The following PCDH9 variants were observed in gnomAD, a reference collection of about 807,000 sequenced individuals.
PCDH9 encodes protocadherin-9.
In PCDH9, 24 loss-of-function variants were observed where a neutral mutation model predicts 70.6. The ratio of observed to expected loss-of-function variants is 0.34; its 90% CI spans 0.25 to 0.48. The LOEUF (loss-of-function observed/expected upper bound fraction) is 0.48, where lower values mean the gene tolerates loss of function less well. Among genes scored for constraint, PCDH9 ranks in the 20% least tolerant of loss-of-function variants. The probability of loss-of-function intolerance (pLI) is 0.99; values close to 1 mark genes in which losing one functional copy is unlikely to be tolerated. For missense variants in PCDH9, 1,281 were observed against 1,503.6 expected (o/e 0.85, Z 2.45); for synonymous variants, 562 against 558.5 (o/e 1.01, Z -0.09).
chr13:66,387,231 G>A (rs1350950869), intron 4 of PCDH9, among the ~76,000 whole-genome samples: 1 of 152,146 alleles, frequency 6.6e-6, no homozygotes, highest in Non-Finnish European at 1.5e-5. Context: ...GTAAGCAACA[G>A]TGTCCACCTT....
At chr13:66,714,334 G>A (rs1343519792) in intron 3 of PCDH9, among the ~76,000 whole-genome samples, 2 of 151,674 alleles carry the variant, frequency 1.3e-5, no homozygotes, top group East Asian at 3.9e-4. Context: ...GCGTGGTGGC[G>A]GGTGCCTGTA....
chr13:67,026,319 G>T (rs1366749775), intron 2 of PCDH9, among the ~76,000 whole-genome samples: 8 of 151,990 alleles, frequency 5.3e-5, no homozygotes, highest in African/African-American at 1.2e-4. Context: ...TTTTGGTTGT[G>T]TCTCTGCCCG....
chr13:67,188,236 C>T (rs944361280), intron 2 of PCDH9, among the ~76,000 whole-genome samples: 1 of 152,096 alleles, frequency 6.6e-6, no homozygotes, highest in African/African-American at 2.4e-5. Flanking sequence ...AGTCGCTTAC[C>T]TTGCTATGTC....
At chr13:66,615,002 G>C (rs1035013877) in intron 4 of PCDH9, among the ~76,000 whole-genome samples, 1 of 152,122 alleles carries the variant, frequency 6.6e-6, no homozygotes, top group Non-Finnish European at 1.5e-5. Flanking sequence ...TTCTGAGAAA[G>C]GTAAAAACAC....
chr13:66,437,203 C>T (rs925825971), intron 4 of PCDH9, among the ~76,000 whole-genome samples: 1 of 151,406 alleles, frequency 6.6e-6, no homozygotes, highest in African/African-American at 2.4e-5. Flanking sequence ...GTCAGGAGAT[C>T]GAAACCATCC....
chr13:66,606,135 C>T (rs2077220063), intron 4 of PCDH9, among the ~76,000 whole-genome samples: 1 of 149,300 alleles, frequency 6.7e-6, no homozygotes, highest in African/African-American at 2.5e-5. Context: ...TATTTTTTTT[C>T]CCCATGCAAA....
intron 3 of PCDH9, among the ~76,000 whole-genome samples, chr13:66,647,182 G>C (rs1860280503): frequency 6.6e-6 from 1 of 152,096 alleles, no homozygotes; most frequent in Non-Finnish European, 1.5e-5. Context: ...AGTGGACTTG[G>C]GGAGTAGGTG....
At chr13:66,847,303 C>CA (rs2081228611) in intron 3 of PCDH9, among the ~76,000 whole-genome samples, 1 of 152,138 alleles carries the variant, frequency 6.6e-6, no homozygotes, top group Non-Finnish European at 1.5e-5. Context: ...CTATTTCACA[C>CA]CAACAAGTTT....
intron 2 of PCDH9, among the ~76,000 whole-genome samples, chr13:66,983,806 A>G (rs1179893054): frequency 6.6e-6 from 1 of 150,726 alleles, no homozygotes; most frequent in African/African-American, 2.5e-5. Flanking sequence ...CTAGTACCCA[A>G]TCGTTTTTTT....
intron 3 of PCDH9, among the ~76,000 whole-genome samples, chr13:66,737,190 G>A (rs758322818): frequency 5.3e-4 from 25 of 46,938 alleles, no homozygotes; most frequent in Non-Finnish European, 1.8e-3. Flanking sequence ...GTTAAAACAT[G>A]TATTTGTTCT....
chr13:66,896,975 A>G (rs1190588916), intron 3 of PCDH9, among the ~76,000 whole-genome samples: 1 of 152,204 alleles, frequency 6.6e-6, no homozygotes, highest in Non-Finnish European at 1.5e-5. Context: ...TCTTATTTAT[A>G]ACAACATACT....
chr13:66,584,397 T>C (rs926621847), intron 4 of PCDH9, among the ~76,000 whole-genome samples: 13 of 152,128 alleles, frequency 8.5e-5, no homozygotes, highest in African/African-American at 3.1e-4. Context: ...AATTCCAAGA[T>C]TGACACTAAA....
intron 4 of PCDH9, among the ~76,000 whole-genome samples, chr13:66,349,320 CTTTG>C (rs1219915523): frequency 3.3e-5 from 5 of 152,182 alleles, no homozygotes; most frequent in East Asian, 1.9e-4. Context: ...GTGCTCTGCA[CTTTG>C]TTTGTCTTCT....
At chr13:66,370,556 A>G (rs1435493239) in intron 4 of PCDH9, among the ~76,000 whole-genome samples, 3 of 148,912 alleles carry the variant, frequency 2.0e-5, no homozygotes, top group Non-Finnish European at 4.5e-5. Context: ...TGTTGCCCCA[A>G]CTGGAGTGCA....
At chr13:67,022,107 T>C (rs1453299949) in intron 2 of PCDH9, among the ~76,000 whole-genome samples, 1 of 1,386 alleles carries the variant, frequency 7.2e-4, no homozygotes, top group Non-Finnish European at 3.8e-3. Flanking sequence ...GGTGATGTTC[T>C]TTTTTTTTTT....
intron 2 of PCDH9, among the ~76,000 whole-genome samples, chr13:67,000,356 A>G (rs894103612): frequency 4.7e-5 from 7 of 150,348 alleles, no homozygotes; most frequent in East Asian, 2.0e-4. Flanking sequence ...GGGGAGGGAT[A>G]GCACTAGGAG....
intron 3 of PCDH9, among the ~76,000 whole-genome samples, chr13:66,707,383 A>C (rs534397782): frequency 6.6e-6 from 1 of 152,356 alleles, no homozygotes. Flanking sequence ...TGACAAATAC[A>C]AAAAGGCAGC....
At chr13:66,500,082 C>A (rs530253831) in intron 4 of PCDH9, among the ~76,000 whole-genome samples, 18 of 152,140 alleles carry the variant, frequency 1.2e-4, no homozygotes, top group Non-Finnish European at 1.9e-4. Context: ...TATAGCGATG[C>A]GAATGGACTA....
chr13:66,308,753 C>T (rs1955513140), intron 4 of PCDH9, among the ~76,000 whole-genome samples: 1 of 151,872 alleles, frequency 6.6e-6, no homozygotes, highest in African/African-American at 2.4e-5. Context: ...AGTATCAAAG[C>T]ATTTGCTTAG....
Sources: allele counts gnomAD v4.1 joint callset (sites outside exome capture counted in the v4.1 genomes callset), GRCh38; gene constraint gnomAD v4.1.1; transcripts MANE v1.5; gene names NCBI Gene and HGNC (gene_info 2026-07-23, HGNC 2026-07-21).